Variants in HHAT observed in about 807,000 individuals in gnomAD.
The protein encoded by HHAT is hedgehog acyltransferase, also known as protein-cysteine N-palmitoyltransferase HHAT.
HHAT carries 47 observed loss-of-function variants against 70.8 expected under a neutral mutation model. That is an observed-to-expected ratio of 0.66 (90% confidence interval 0.53 to 0.85). The LOEUF (loss-of-function observed/expected upper bound fraction) is 0.85, where lower values mean the gene tolerates loss of function less well. HHAT is among the 40% of genes least tolerant of loss of function. The pLI is 0.00. For missense variants in HHAT, 609 were observed against 604.8 expected (o/e 1.01, Z -0.07); for synonymous variants, 228 against 247.6 (o/e 0.92, Z 0.74).
chr1:210,579,375 A>G (rs1430520154), intron 9 of HHAT, among the ~76,000 whole-genome samples: 1 of 152,156 alleles, frequency 6.6e-6, no homozygotes, highest in Non-Finnish European at 1.5e-5. Context: ...CTTGCTAATC[A>G]ATGGGTATAA....
intron 7 of HHAT, among the ~76,000 whole-genome samples, chr1:210,455,160 G>A (rs1158581820): frequency 2.0e-5 from 3 of 152,146 alleles, no homozygotes; most frequent in Non-Finnish European, 4.4e-5. Context: ...AAGGCTTCCC[G>A]AGATTGATGG....
Position 210,464,552 on chromosome 1 carries a change from G to GTGC in HHAT, c.906_908dup (p.Leu303dup). 1 of 1,614,138 alleles carries GTGC rather than the reference G, an allele frequency of 6.2e-7. No homozygotes were observed. Among genetic ancestry groups the GTGC allele is most frequent in the Non-Finnish European group, 8.5e-7 (1 of 1,180,014 alleles). ...GCTCTTTTTCTACGTGAAGTACTTG[G>GTGC]TGCTCTTTGGCGTGCCTGCTCTGCT... On this transcript the variant is annotated inframe_insertion, in exon 8 of 12. Coordinates refer to ENST00000261458, the MANE Select transcript of HHAT (RefSeq NM_018194.6).
intron 11 of HHAT, among the ~76,000 whole-genome samples, chr1:210,671,177 C>T (rs182954101): frequency 1.6e-4 from 24 of 152,290 alleles, no homozygotes; most frequent in African/African-American, 4.6e-4. Context: ...TGAAACATCC[C>T]CATTGGCCCA....
At chr1:210,442,438 A>C (rs1229859607) in intron 7 of HHAT, among the ~76,000 whole-genome samples, 4 of 146,798 alleles carry the variant, frequency 2.7e-5, no homozygotes, top group African/African-American at 1.0e-4. Context: ...TGACTTCCAC[A>C]ATGGTTGAAC....
chr1:210,357,501 C>G lies in HHAT; in HGVS notation c.92-5351C>G, dbSNP rs566443058. ...TCCAAATCTATTTCTCCATGACTGT[C>G]CAATCTTCATCAAACCTAGCATTAA... On this transcript the variant is annotated intron_variant, in intron 2 of 11. Coordinates refer to ENST00000261458, the MANE Select transcript of HHAT (RefSeq NM_018194.6). Among the ~76,000 whole-genome samples, 5 of 152,292 alleles carry G rather than the reference C, an allele frequency of 3.3e-5. No homozygotes were observed. In the East Asian group the frequency reaches 7.7e-4, roughly 24 times the overall value.
intron 8 of HHAT, among the ~76,000 whole-genome samples, chr1:210,468,536 G>T (rs1033161344): frequency 6.6e-6 from 1 of 152,166 alleles, no homozygotes; most frequent in Non-Finnish European, 1.5e-5. Flanking sequence ...ATATATAGGA[G>T]TATCTTTAGG....
chr1:210,360,846 C>CTT (rs3036585), intron 2 of HHAT, among the ~76,000 whole-genome samples: 16,717 of 124,128 alleles, frequency 0.13, 1,405 homozygotes, highest in East Asian at 0.23. Flanking sequence ...ATTAACTTCA[C>CTT]TTTTTTTTTT....
intron 3 of HHAT, among the ~76,000 whole-genome samples, chr1:210,372,780 G>GTTTTT (rs56121731): frequency 3.1e-4 from 44 of 140,242 alleles, no homozygotes; most frequent in Middle Eastern, 3.7e-3. Context: ...CAAGGGAGGT[G>GTTTTT]TTTTTTTTTT....
At chr1:210,382,591 T>G (rs1475437721) in intron 3 of HHAT, among the ~76,000 whole-genome samples, 1 of 152,108 alleles carries the variant, frequency 6.6e-6, no homozygotes, top group Non-Finnish European at 1.5e-5. Flanking sequence ...GGAATAAAAG[T>G]GATATAATAA....
At chr1:210,654,806 G>C (rs1386206781) in intron 11 of HHAT, among the ~76,000 whole-genome samples, 1 of 152,228 alleles carries the variant, frequency 6.6e-6, no homozygotes, top group Non-Finnish European at 1.5e-5. Flanking sequence ...CAACAGCCTA[G>C]GTCAGTACTC....
chr1:210,511,780 C>CTT (rs201825628), intron 8 of HHAT, among the ~76,000 whole-genome samples: 965 of 88,344 alleles, frequency 0.011, 104 homozygotes, highest in Admixed American at 0.013. Flanking sequence ...GCCGCCTGGT[C>CTT]TTTTTTTTTT....
In HHAT at chr1:210,464,669, A is replaced by G; in HGVS notation, c.1007+14A>G. On this transcript the variant is annotated intron_variant, in intron 8 of 11. Transcript: ENST00000261458. ...CGGGATGTGGAGGTCAGGCGCTGGG[A>G]TTGCTAAAGTTGGTCAGGCATGTCC... The G allele has an allele frequency of 6.2e-7, 1 of 1,613,854 alleles. No individual in the cohort carries two copies. Among genetic ancestry groups the G allele is most frequent in the Non-Finnish European group, 8.5e-7 (1 of 1,179,958 alleles).
chr1:210,498,602 G>C (rs1216008044), intron 8 of HHAT, among the ~76,000 whole-genome samples: 1 of 152,182 alleles, frequency 6.6e-6, no homozygotes, highest in Non-Finnish European at 1.5e-5. Context: ...CCAGAATGCT[G>C]TCTGAGCAAT....
chr1:210,653,529 CAAA>C (rs35279362), intron 11 of HHAT, among the ~76,000 whole-genome samples: 7 of 120,126 alleles, frequency 5.8e-5, no homozygotes, highest in Admixed American at 8.2e-5. Context: ...GACCCTGTCT[CAAA>C]AAAAAAAAAA....
At chr1:210,466,753 G>C (rs1429739063) in intron 8 of HHAT, among the ~76,000 whole-genome samples, 1 of 136,564 alleles carries the variant, frequency 7.3e-6, no homozygotes, top group African/African-American at 2.7e-5. Context: ...TGATTGTCTT[G>C]TCCTTTATTT....
intron 9 of HHAT, among the ~76,000 whole-genome samples, chr1:210,523,128 A>G (rs12117360): frequency 0.58 from 87,761 of 151,672 alleles, 25,994 homozygotes; most frequent in South Asian, 0.71. Flanking sequence ...CCCAGCCCTG[A>G]TGCTTCCCCT....
intron 8 of HHAT, among the ~76,000 whole-genome samples, chr1:210,465,216 G>T (rs2094074294): frequency 6.6e-6 from 1 of 152,212 alleles, no homozygotes. Context: ...TTTAACACTT[G>T]TGTTATTCCT....
chr1:210,669,785 TA>T (rs1435267350), intron 11 of HHAT, among the ~76,000 whole-genome samples: 1 of 152,312 alleles, frequency 6.6e-6, no homozygotes, highest in East Asian at 1.9e-4. Context: ...AGTACACTCT[TA>T]AGAAGGATAT....
intron 7 of HHAT, among the ~76,000 whole-genome samples, chr1:210,437,003 A>AAGATATC (rs1286641172): frequency 2.0e-5 from 3 of 151,948 alleles, no homozygotes; most frequent in African/African-American, 7.3e-5. Context: ...GGATGGGAAG[A>AAGATATC]AGATATCTTA....
Sources: allele counts gnomAD v4.1 joint callset (sites outside exome capture counted in the v4.1 genomes callset), GRCh38; gene constraint gnomAD v4.1.1; transcripts MANE v1.5; gene names NCBI Gene and HGNC (gene_info 2026-07-23, HGNC 2026-07-21).